The following KLF8 variants were observed in gnomAD, a reference collection of about 807,000 sequenced individuals.
KLF8 encodes the protein KLF transcription factor 8.
KLF8 carries 10 observed loss-of-function variants against 18.2 expected under a neutral mutation model. The ratio of observed to expected loss-of-function variants is 0.55; its 90% CI spans 0.34 to 0.93. KLF8 has a LOEUF of 0.93. Among genes scored for constraint, KLF8 ranks in the 40% least tolerant of loss-of-function variants. The pLI, the probability that KLF8 is intolerant of heterozygous loss-of-function variation, is 0.02. For missense variants in KLF8, 264 were observed against 277.9 expected, an observed-to-expected ratio of 0.95 and a Z score of 0.36; for synonymous variants, 109 against 97.3, an observed-to-expected ratio of 1.12 and a Z score of -0.71.
the KLF8 span, among the ~76,000 whole-genome samples, chrX:56,061,595 A>T: frequency 9.0e-6 from 1 of 111,445 alleles, no homozygotes. Context: ...TATGTCATCA[A>T]TTTTAGAATA....
chrX:56,255,936 C>T (rs760392991), intron 2 of KLF8, among the ~76,000 whole-genome samples: 1 of 111,186 alleles, frequency 9.0e-6, no homozygotes, highest in East Asian at 2.8e-4. Flanking sequence ...CTCTATTTTT[C>T]AGAATAGTTT....
At chrX:56,246,676 G>A (rs2066626525) in intron 1 of KLF8, among the ~76,000 whole-genome samples, 1 of 111,497 alleles carries the variant, frequency 9.0e-6, no homozygotes, top group Non-Finnish European at 1.9e-5. Context: ...GGAAGGAAGT[G>A]ACTATGAAAT....
chrX:56,205,105 G>T, the KLF8 span, among the ~76,000 whole-genome samples: 16 of 110,998 alleles, frequency 1.4e-4, no homozygotes, highest in African/African-American at 4.6e-4. Flanking sequence ...TGCTTGTCAT[G>T]TCTGGGGTTC....
the KLF8 span, among the ~76,000 whole-genome samples, chrX:56,077,197 T>C: frequency 2.0e-4 from 22 of 112,294 alleles, no homozygotes; most frequent in Admixed American, 2.8e-4. Flanking sequence ...TTTGGTGTTT[T>C]AGACATGAAG....
the KLF8 span, among the ~76,000 whole-genome samples, chrX:55,981,606 G>T: frequency 3.5e-4 from 39 of 112,009 alleles, no homozygotes; most frequent in Non-Finnish European, 6.4e-4. Context: ...TCAATTTCTA[G>T]TAAGGTAAAC....
chrX:56,031,808 G>A, the KLF8 span, among the ~76,000 whole-genome samples: 3 of 111,436 alleles, frequency 2.7e-5, no homozygotes, highest in East Asian at 5.6e-4. Context: ...GCAGACTAAT[G>A]TCTCAAAATC....
the KLF8 span, among the ~76,000 whole-genome samples, chrX:56,079,058 G>A: frequency 0.012 from 1,338 of 110,592 alleles, 71 homozygotes; most frequent in Admixed American, 0.11. Context: ...TCTTGCTAGC[G>A]GTCTATCAAT....
At chrX:56,247,336 C>T (rs2066635509) in intron 1 of KLF8, among the ~76,000 whole-genome samples, 1 of 111,826 alleles carries the variant, frequency 8.9e-6, no homozygotes, top group Admixed American at 9.5e-5. Flanking sequence ...ATGAAGGAAA[C>T]TTGCAGAACT....
the KLF8 span, among the ~76,000 whole-genome samples, chrX:56,028,785 G>A: frequency 9.0e-6 from 1 of 111,124 alleles, no homozygotes; most frequent in Non-Finnish European, 1.9e-5. Context: ...CTAGTCTAAT[G>A]CTAAAGAAGG....
chrX:56,063,909 G>C, the KLF8 span, among the ~76,000 whole-genome samples: 2 of 109,716 alleles, frequency 1.8e-5, no homozygotes, highest in African/African-American at 6.6e-5. Context: ...GCTGCAGTAG[G>C]CTCCCTATGT....
chrX:56,080,936 T>C, the KLF8 span, among the ~76,000 whole-genome samples: 3 of 111,300 alleles, frequency 2.7e-5, no homozygotes, highest in East Asian at 8.4e-4. Context: ...TCCAGTTGAT[T>C]GCATCGGCTC....
intron 1 of KLF8, among the ~76,000 whole-genome samples, chrX:56,235,467 A>G (rs1274628045): frequency 2.1e-5 from 2 of 96,446 alleles, no homozygotes; most frequent in Non-Finnish European, 4.0e-5. Flanking sequence ...CCCAGGCTGG[A>G]GTGCAATGGC....
chrX:55,989,163 C>A, the KLF8 span, among the ~76,000 whole-genome samples: 1 of 111,940 alleles, frequency 8.9e-6, no homozygotes, highest in Non-Finnish European at 1.9e-5. Context: ...GACAATTTGA[C>A]TTCCTCTTTT....
the KLF8 span, among the ~76,000 whole-genome samples, chrX:56,126,588 T>C: frequency 1.8e-5 from 2 of 110,584 alleles, no homozygotes; most frequent in African/African-American, 6.6e-5. Context: ...ATGATTTGGG[T>C]CCTGCTCCCT....
intron 1 of KLF8, among the ~76,000 whole-genome samples, chrX:56,236,278 A>G (rs2066473222): frequency 8.9e-6 from 1 of 111,978 alleles, no homozygotes; most frequent in Admixed American, 9.5e-5. Flanking sequence ...AGTAATGGTG[A>G]ACTTATTTAA....
At chrX:56,060,069 G>A in the KLF8 span, among the ~76,000 whole-genome samples, 3 of 111,553 alleles carry the variant, frequency 2.7e-5, no homozygotes, top group African/African-American at 9.8e-5. Context: ...TTGCTTGTCA[G>A]CTTAAGGAGA....
the KLF8 span, among the ~76,000 whole-genome samples, chrX:56,059,037 C>T: frequency 8.9e-6 from 1 of 111,855 alleles, no homozygotes; most frequent in East Asian, 2.8e-4. Context: ...TTTTAATGAT[C>T]ATCATTCTAA....
chrX:56,242,811 C>T, intron 1 of KLF8: 1 of 268,579 alleles, frequency 3.7e-6, no homozygotes, highest in East Asian at 8.9e-5. Context: ...CTAGTTTGCC[C>T]CCACTTCCTT....
the KLF8 span, chrX:55,961,070 C>T: frequency 0.56 from 78,183 of 139,330 alleles, 19,332 homozygotes; most frequent in East Asian, 0.76. Flanking sequence ...TTTAAACCAA[C>T]GATTAAAAAA....
Sources: gnomAD v4.1 joint callset for allele counts (sites outside exome capture counted in the v4.1 genomes callset) on GRCh38, gnomAD v4.1.1 for gene constraint, MANE v1.5 for transcripts, NCBI Gene and HGNC (gene_info 2026-07-23, HGNC 2026-07-21) for gene names.